The following ARHGAP15 variants were observed in gnomAD, a reference collection of about 807,000 sequenced individuals.
The protein encoded by ARHGAP15 is rho GTPase-activating protein 15.
Under a neutral mutation model 63.7 loss-of-function variants are expected in ARHGAP15, and 51 were observed. The ratio of observed to expected loss-of-function variants is 0.80; its 90% CI spans 0.64 to 1.01. The LOEUF (loss-of-function observed/expected upper bound fraction) is 1.01. ARHGAP15 is among the 50% of genes least tolerant of loss of function. The pLI, the probability that ARHGAP15 is intolerant of heterozygous loss-of-function variation, is 0.00. For synonymous variants in ARHGAP15, 191 were observed against 193.8 expected (o/e 0.99, Z 0.12); for missense variants, 560 against 564.6 (o/e 0.99, Z 0.08).
intron 6 of ARHGAP15, among the ~76,000 whole-genome samples, chr2:143,366,370 C>T (rs894375378): frequency 3.3e-5 from 5 of 151,930 alleles, no homozygotes; most frequent in African/African-American, 9.7e-5. Flanking sequence ...CTATGGACAG[C>T]TAGATATTAC....
chr2:143,736,665 A>G (rs774697027), intron 13 of ARHGAP15, among the ~76,000 whole-genome samples: 43 of 152,248 alleles, frequency 2.8e-4, no homozygotes, highest in Non-Finnish European at 5.1e-4. Context: ...AGCCAAGCAC[A>G]TAAGTTTTCA....
chr2:143,249,692 T>C (rs1013560297), intron 5 of ARHGAP15, among the ~76,000 whole-genome samples: 1 of 152,154 alleles, frequency 6.6e-6, no homozygotes, highest in East Asian at 1.9e-4. Flanking sequence ...GTTGTATAAG[T>C]ATGATTAACT....
At chr2:143,306,125 G>T (rs1465886154) in intron 6 of ARHGAP15, among the ~76,000 whole-genome samples, 1 of 151,920 alleles carries the variant, frequency 6.6e-6, no homozygotes, top group Admixed American at 6.6e-5. Flanking sequence ...AATATTACTG[G>T]GCAAATTGTG....
At chr2:143,204,939 A>T (rs566559277) in intron 3 of ARHGAP15, among the ~76,000 whole-genome samples, 19 of 141,870 alleles carry the variant, frequency 1.3e-4, no homozygotes, top group African/African-American at 5.3e-4. Context: ...AATCTCTCTT[A>T]AAAAAAAAAT....
chr2:143,538,845 T>G (rs903950057), intron 10 of ARHGAP15, among the ~76,000 whole-genome samples: 27 of 152,220 alleles, frequency 1.8e-4, no homozygotes, highest in African/African-American at 6.3e-4. Context: ...AATTCTCTTT[T>G]TTTGTTGTGT....
At chr2:143,381,636 G>A (rs1687057348) in intron 6 of ARHGAP15, among the ~76,000 whole-genome samples, 1 of 152,108 alleles carries the variant, frequency 6.6e-6, no homozygotes, top group Non-Finnish European at 1.5e-5. Context: ...GACTTTGGGG[G>A]AGCAGTTCCT....
At chr2:143,145,838 G>GT (rs1689560367) in intron 1 of ARHGAP15, among the ~76,000 whole-genome samples, 3 of 85,598 alleles carry the variant, frequency 3.5e-5, no homozygotes, top group Non-Finnish European at 7.1e-5. Flanking sequence ...ATATGTATAG[G>GT]GGTGTGTGTG....
chr2:143,735,867 G>GCTAA (rs1481443728), intron 13 of ARHGAP15, among the ~76,000 whole-genome samples: 3 of 152,158 alleles, frequency 2.0e-5, no homozygotes, highest in African/African-American at 7.2e-5. Context: ...ATAAATGAAG[G>GCTAA]CTAACTCACA....
chr2:143,737,755 TTTATTTA>T (rs1685805543), intron 13 of ARHGAP15, among the ~76,000 whole-genome samples: 3 of 151,478 alleles, frequency 2.0e-5, no homozygotes, highest in Non-Finnish European at 4.4e-5. Context: ...TATTTATTTA[TTTATTTA>T]TTTATTTTTT....
intron 11 of ARHGAP15, among the ~76,000 whole-genome samples, chr2:143,601,909 T>C (rs556552978): frequency 1.3e-5 from 2 of 152,310 alleles, no homozygotes; most frequent in African/African-American, 2.4e-5. Flanking sequence ...TTACAAGATA[T>C]ATATTTCAAG....
chr2:143,545,591 G>T (rs1695296297), intron 10 of ARHGAP15, among the ~76,000 whole-genome samples: 1 of 152,016 alleles, frequency 6.6e-6, no homozygotes, highest in Admixed American at 6.6e-5. Flanking sequence ...TTGTGAATGT[G>T]TGTGGCTTTT....
At chr2:143,591,873 G>A (rs1697335426) in intron 11 of ARHGAP15, among the ~76,000 whole-genome samples, 1 of 152,064 alleles carries the variant, frequency 6.6e-6, no homozygotes, top group African/African-American at 2.4e-5. Context: ...GCCTGCCTCA[G>A]CCTCCCAAAG....
intron 1 of ARHGAP15, among the ~76,000 whole-genome samples, chr2:143,142,320 T>A (rs1429861514): frequency 6.6e-6 from 1 of 152,092 alleles, no homozygotes; most frequent in Non-Finnish European, 1.5e-5. Flanking sequence ...TAAATCCCAA[T>A]AAATGTTTAG....
At chr2:143,571,756 T>A (rs1696466058) in intron 11 of ARHGAP15, 1 of 152,220 alleles carries the variant, frequency 6.6e-6, no homozygotes, top group Non-Finnish European at 1.5e-5. Context: ...TTCTTGTTAG[T>A]CTATTACTTT....
intron 6 of ARHGAP15, 190 bp from the exon 7 acceptor site, chr2:143,435,411 G>C (rs1229791957): frequency 2.5e-6 from 3 of 1,211,416 alleles, no homozygotes; most frequent in Non-Finnish European, 3.2e-6. Flanking sequence ...TATTTGTTAT[G>C]ACGTGAAAAA....
At chr2:143,168,975 A>G (rs1036013343) in intron 2 of ARHGAP15, among the ~76,000 whole-genome samples, 2 of 152,074 alleles carry the variant, frequency 1.3e-5, no homozygotes, top group South Asian at 2.1e-4. Context: ...TGCTTTACCA[A>G]ATAGAAGCCT....
chr2:143,511,663 A>T (rs1270113349), intron 9 of ARHGAP15, among the ~76,000 whole-genome samples: 2 of 152,136 alleles, frequency 1.3e-5, no homozygotes, highest in Non-Finnish European at 2.9e-5. Context: ...TTTAGGGGAC[A>T]AAGTTCATTA....
chr2:143,382,874 T>C (rs1687120982), intron 6 of ARHGAP15, among the ~76,000 whole-genome samples: 1 of 152,154 alleles, frequency 6.6e-6, no homozygotes, highest in South Asian at 2.1e-4. Context: ...ATAAAAAGCA[T>C]TTGCTTAAGT....
At chr2:143,206,845 TA>T (rs1427899628) in intron 3 of ARHGAP15, among the ~76,000 whole-genome samples, 2 of 152,012 alleles carry the variant, frequency 1.3e-5, no homozygotes, top group Admixed American at 1.3e-4. Flanking sequence ...AAATAACACA[TA>T]AAAAGTTTGC....
Sources: allele counts gnomAD v4.1 joint callset (sites outside exome capture counted in the v4.1 genomes callset), GRCh38; gene constraint gnomAD v4.1.1; transcripts MANE v1.5; gene names NCBI Gene and HGNC (gene_info 2026-07-23, HGNC 2026-07-21).